Variants in CLEC20A observed in about 807,000 individuals in gnomAD.
The protein encoded by CLEC20A is C-type lectin domain containing 20A.
chr1:178,498,982 G>C (rs1443810693), upstream of CLEC20A, among the ~76,000 whole-genome samples: 1 of 152,200 alleles, frequency 6.6e-6, no homozygotes, highest in Non-Finnish European at 1.5e-5. Flanking sequence ...GGGCCTCCCA[G>C]GACCACTCTC....
intron 4 of CLEC20A, among the ~76,000 whole-genome samples, chr1:178,489,051 T>C (rs900600709): frequency 2.0e-5 from 3 of 152,116 alleles, no homozygotes; most frequent in Non-Finnish European, 4.4e-5. Context: ...TAAAAGCCAC[T>C]GCGTTGTACC....
At chr1:178,483,816 T>G (rs977357918) in intron 5 of CLEC20A, 1 of 152,354 alleles carries the variant, frequency 6.6e-6, no homozygotes, top group African/African-American at 2.4e-5. Flanking sequence ...TGCTCTCATG[T>G]TCAGTCACCA....
upstream of CLEC20A, chr1:178,497,010 C>T (rs1218924777): frequency 5.0e-6 from 2 of 399,182 alleles, no homozygotes; most frequent in African/African-American, 2.1e-5. Context: ...CTGGCGGGGA[C>T]TGTAGAAGAG....
At chr1:178,498,312 C>A (rs1649447795), upstream of CLEC20A, among the ~76,000 whole-genome samples, 1 of 152,134 alleles carries the variant, frequency 6.6e-6, no homozygotes, top group African/African-American at 2.4e-5. Context: ...CAGGACTGGG[C>A]TGGGCACAGT....
chr1:178,486,603 G>C, intron 5 of CLEC20A: 1 of 398,636 alleles, frequency 2.5e-6, no homozygotes, highest in Non-Finnish European at 4.4e-6. Flanking sequence ...CCTGGGAGCC[G>C]AGGCCCCGGC....
chr1:178,482,140 CA>C, intron 7 of CLEC20A, 171 bp downstream of exon 7: 1 of 393,812 alleles, frequency 2.5e-6, no homozygotes, highest in Non-Finnish European at 4.5e-6. Flanking sequence ...AGAAAAGATC[CA>C]AAAAGATCTT....
chr1:178,486,494 C>G (rs1649146721), intron 5 of CLEC20A: 1 of 398,850 alleles, frequency 2.5e-6, no homozygotes. Flanking sequence ...CTCAGGGCTG[C>G]AGAGTCAGGG....
intron 3 of CLEC20A, 132 bp downstream of exon 3, chr1:178,492,369 C>T (rs978591911): frequency 3.8e-5 from 15 of 397,594 alleles, no homozygotes; most frequent in African/African-American, 4.1e-5. Context: ...AAATCCCTCC[C>T]GGACAGCCAG....
chr1:178,489,016 T>C (rs886685524), intron 4 of CLEC20A, among the ~76,000 whole-genome samples: 1 of 152,160 alleles, frequency 6.6e-6, no homozygotes, highest in African/African-American at 2.4e-5. Context: ...TTAGTGATGA[T>C]AGTTGGACAA....
chr1:178,498,979 C>G (rs1207540136), upstream of CLEC20A, among the ~76,000 whole-genome samples: 1 of 152,202 alleles, frequency 6.6e-6, no homozygotes, highest in Non-Finnish European at 1.5e-5. Context: ...TCAGGGCCTC[C>G]CAGGACCACT....
chr1:178,493,936 A>G (rs1299825765), intron 2 of CLEC20A, among the ~76,000 whole-genome samples: 1 of 152,190 alleles, frequency 6.6e-6, no homozygotes. Flanking sequence ...ATCCTGACTT[A>G]CACCCATTTT....
chr1:178,488,498 C>T lies in CLEC20A; in HGVS notation c.928+3G>A, dbSNP rs1045685467. 33 of 398,660 alleles carry T rather than the reference C, an allele frequency of 8.3e-5. No individual in the cohort carries two copies. Among genetic ancestry groups the T allele is most frequent in the Non-Finnish European group, 8.8e-5 (20 of 226,164 alleles). The allele number at this position is 398,660 out of a possible 1,614,324, so 24.7% of individuals were successfully genotyped here. A position where few individuals can be genotyped will look rare whatever the true frequency, so the allele number is the denominator to read the frequency against. Reference sequence around the variant, plus strand: ...GATCCAGCCAAGGGCAGGCTCAAAGCACCTCTGCCTGGCCTGGGAGTTGTT... The same window carrying T: ...GATCCAGCCAAGGGCAGGCTCAAAGTACCTCTGCCTGGCCTGGGAGTTGTT... On this transcript the variant is annotated splice_donor_region_variant and intron_variant, in intron 5 of 7. Coordinates refer to ENST00000623247, the Ensembl canonical transcript of CLEC20A.
chr1:178,489,192 G>A (rs1435397828), intron 4 of CLEC20A, among the ~76,000 whole-genome samples: 5 of 152,014 alleles, frequency 3.3e-5, no homozygotes, highest in South Asian at 2.1e-4. Context: ...GCAAAACCCC[G>A]TCTCTACCAA....
intron 5 of CLEC20A, chr1:178,483,911 G>T (rs1425710119): frequency 6.6e-6 from 1 of 152,172 alleles, no homozygotes; most frequent in Non-Finnish European, 1.5e-5. Flanking sequence ...TGTAAAATAT[G>T]TAAGCAAATT....
chr1:178,479,903 T>TAA (rs74263840), intron 7 of CLEC20A: 10 of 130,920 alleles, frequency 7.6e-5, no homozygotes, highest in African/African-American at 9.3e-5. Context: ...GAGAGTTGTT[T>TAA]AAAAAAAAAA....
chr1:178,481,087 C>T (rs1295685164), intron 7 of CLEC20A: 1 of 152,176 alleles, frequency 6.6e-6, no homozygotes, highest in Non-Finnish European at 1.5e-5. Context: ...CTCCAGTCCC[C>T]CCTCCACTCC....
chr1:178,491,302 G>A (rs1204370064), intron 3 of CLEC20A, among the ~76,000 whole-genome samples: 2 of 152,170 alleles, frequency 1.3e-5, no homozygotes, highest in African/African-American at 2.4e-5. Flanking sequence ...CGGAGGCCCG[G>A]AAGATGAAAC....
upstream of CLEC20A, chr1:178,499,567 G>A (rs971177124): frequency 1.3e-5 from 2 of 152,220 alleles, no homozygotes; most frequent in Non-Finnish European, 1.5e-5. Flanking sequence ...TCCTGCCCTT[G>A]AACATCGGAC....
At chr1:178,489,246 C>G (rs1405833070) in intron 4 of CLEC20A, among the ~76,000 whole-genome samples, 11 of 151,946 alleles carry the variant, frequency 7.2e-5, no homozygotes, top group Non-Finnish European at 1.6e-4. Flanking sequence ...ACCTGTAACC[C>G]CAGCTACTTG....
Sources: gnomAD v4.1 joint callset for allele counts (sites outside exome capture counted in the v4.1 genomes callset) on GRCh38, gnomAD v4.1.1 for gene constraint, MANE v1.5 for transcripts, NCBI Gene and HGNC (gene_info 2026-07-23, HGNC 2026-07-21) for gene names.